Variants in DGKB observed in about 807,000 individuals in gnomAD.
DGKB encodes diacylglycerol kinase beta, also known as 90 kDa diacylglycerol kinase.
In DGKB, 67 loss-of-function variants were observed where a neutral mutation model predicts 114.3. That is an observed-to-expected ratio of 0.59 (90% confidence interval 0.48 to 0.72). The LOEUF (loss-of-function observed/expected upper bound fraction) is 0.72. DGKB is among the 30% of genes least tolerant of loss of function. The pLI, the probability that DGKB is intolerant of heterozygous loss-of-function variation, is 0.00. For synonymous variants in DGKB, 398 were observed against 323.1 expected (o/e 1.23, Z -2.49); for missense variants, 907 against 975.2 (o/e 0.93, Z 0.93).
At chr7:14,892,286 C>T (rs948922989) in intron 1 of DGKB, among the ~76,000 whole-genome samples, 15 of 151,192 alleles carry the variant, frequency 9.9e-5, no homozygotes, top group East Asian at 2.0e-4. Flanking sequence ...AGAATGTCAG[C>T]GAAGGTAAGG....
At chr7:14,581,536 T>A (rs1799932128) in intron 18 of DGKB, among the ~76,000 whole-genome samples, 1 of 152,220 alleles carries the variant, frequency 6.6e-6, no homozygotes, top group Admixed American at 6.5e-5. Context: ...TCCATGAGAT[T>A]AATCTTTACA....
intron 16 of DGKB, among the ~76,000 whole-genome samples, chr7:14,612,621 GT>G (rs1805766135): frequency 6.6e-6 from 1 of 151,994 alleles, no homozygotes; most frequent in South Asian, 2.1e-4. Flanking sequence ...CTGTTATCAT[GT>G]TTGTTATGAG....
chr7:14,301,209 A>G (rs1194374595), intron 23 of DGKB, among the ~76,000 whole-genome samples: 1 of 152,086 alleles, frequency 6.6e-6, no homozygotes, highest in African/African-American at 2.4e-5. Flanking sequence ...CTTGGGATAT[A>G]TTTTTAAATT....
At chr7:14,504,829 C>T (rs1215255499) in intron 20 of DGKB, among the ~76,000 whole-genome samples, 2 of 152,122 alleles carry the variant, frequency 1.3e-5, no homozygotes, top group African/African-American at 4.8e-5. Flanking sequence ...ACTGCATCTA[C>T]ACTAGTCAAC....
intron 23 of DGKB, among the ~76,000 whole-genome samples, chr7:14,283,842 A>C (rs1266517923): frequency 6.6e-6 from 1 of 152,062 alleles, no homozygotes; most frequent in East Asian, 1.9e-4. Flanking sequence ...TCCCTTCCTT[A>C]CACCTTATAC....
Position 14,589,039 on chromosome 7 carries a change from G to A in DGKB, c.1434-5902C>T, listed in dbSNP as rs146803985. Among the ~76,000 whole-genome samples the A allele has an allele frequency of 3.5e-3, 527 of 151,914 alleles. 3 individuals carry two copies. The highest frequency in any genetic ancestry group is 0.012 in the African/African-American group (495 of 41,480). On this transcript the variant is annotated intron_variant, in intron 17 of 25. Transcript: ENST00000402815. ...CTTATTCATGAATGTAGTATTGCTC[G>A]ATTTATTTACATATTCTTTAATATC...
chr7:14,739,399 C>T (rs1428281920), intron 4 of DGKB, among the ~76,000 whole-genome samples: 2 of 152,172 alleles, frequency 1.3e-5, no homozygotes, highest in East Asian at 3.9e-4. Context: ...ATGCTCTATG[C>T]AGGGGAGAAT....
intron 1 of DGKB, among the ~76,000 whole-genome samples, chr7:14,967,373 C>G (rs546814477): frequency 1.3e-3 from 202 of 151,714 alleles, no homozygotes; most frequent in African/African-American, 4.7e-3. Context: ...CAGGCTGGAG[C>G]ACAATGGCAC....
At chr7:14,357,505 G>A (rs1232417658) in intron 21 of DGKB, among the ~76,000 whole-genome samples, 1 of 152,090 alleles carries the variant, frequency 6.6e-6, no homozygotes. Context: ...CACGTGAGAT[G>A]GGTCTCCTGA....
At position 14,183,366 on chromosome 7, in the gene DGKB, T is replaced by G. The variant is rs1426896664; in HGVS notation, c.2123-5215A>C. ...ACCTACATAACCCAGAAGACATAAATTTTAAAAGGGGGTGGGTAGGAAGAG... is the reference window on the plus strand; with the variant it reads ...ACCTACATAACCCAGAAGACATAAAGTTTAAAAGGGGGTGGGTAGGAAGAG... On this transcript the variant is annotated intron_variant, in intron 23 of 25. Transcript: ENST00000402815. 4.6e-5 allele frequency among the ~76,000 whole-genome samples: 7 copies of G among 152,172 alleles called. No individual in the cohort carries two copies. In the South Asian group the frequency reaches 1.4e-3, roughly 32 times the overall value.
At chr7:14,942,611 A>G (rs1785626790) in intron 1 of DGKB, among the ~76,000 whole-genome samples, 1 of 151,084 alleles carries the variant, frequency 6.6e-6, no homozygotes, top group South Asian at 2.1e-4. Flanking sequence ...TCCATCTACC[A>G]CTCTTCCTCC....
At chr7:14,372,003 GC>G (rs1302801033) in intron 21 of DGKB, among the ~76,000 whole-genome samples, 2 of 152,094 alleles carry the variant, frequency 1.3e-5, no homozygotes, top group Non-Finnish European at 2.9e-5. Flanking sequence ...ATTAAAAATG[GC>G]CTCCTGCTCT....
intron 21 of DGKB, among the ~76,000 whole-genome samples, chr7:14,383,011 C>A (rs1239277121): frequency 6.6e-6 from 1 of 152,226 alleles, no homozygotes; most frequent in African/African-American, 2.4e-5. Context: ...TTCTGACTAA[C>A]AATTTGGTAA....
At chr7:14,263,811 C>T (rs553192631) in intron 23 of DGKB, among the ~76,000 whole-genome samples, 7 of 152,164 alleles carry the variant, frequency 4.6e-5, no homozygotes, top group African/African-American at 1.4e-4. Flanking sequence ...GTATTTGTCT[C>T]TTTGGCTAAA....
At chr7:14,355,491 C>G (rs1046563707) in intron 21 of DGKB, among the ~76,000 whole-genome samples, 1 of 152,064 alleles carries the variant, frequency 6.6e-6, no homozygotes, top group African/African-American at 2.4e-5. Context: ...GCATGAAGGG[C>G]TGTTGAATTT....
chr7:14,205,462 G>A (rs553542842), intron 23 of DGKB, among the ~76,000 whole-genome samples: 85 of 151,958 alleles, frequency 5.6e-4, no homozygotes, highest in Non-Finnish European at 9.7e-4. Context: ...GTTATACATT[G>A]TTGGCCAGAG....
At chr7:14,315,675 T>G (rs1806337511) in intron 23 of DGKB, among the ~76,000 whole-genome samples, 1 of 147,062 alleles carries the variant, frequency 6.8e-6, no homozygotes, top group Non-Finnish European at 1.5e-5. Flanking sequence ...CTCCCACACA[T>G]TAATAATGGG....
chr7:14,237,438 G>A (rs535697033), intron 23 of DGKB, among the ~76,000 whole-genome samples: 3 of 150,982 alleles, frequency 2.0e-5, no homozygotes, highest in African/African-American at 7.3e-5. Context: ...AATATATGAG[G>A]AATTTATTCT....
intron 23 of DGKB, among the ~76,000 whole-genome samples, chr7:14,290,849 G>C (rs1433641040): frequency 6.6e-6 from 1 of 151,992 alleles, no homozygotes; most frequent in Non-Finnish European, 1.5e-5. Flanking sequence ...ACGGACTTAA[G>C]TAGAGAATGT....
Sources: allele counts gnomAD v4.1 joint callset (sites outside exome capture counted in the v4.1 genomes callset), GRCh38; gene constraint gnomAD v4.1.1; transcripts MANE v1.5; gene names NCBI Gene and HGNC (gene_info 2026-07-23, HGNC 2026-07-21).